RAB37: variants seen among roughly 807,000 people sequenced by gnomAD.
RAB37 encodes ras-related protein Rab-37.
In RAB37, 29 loss-of-function variants were observed where a neutral mutation model predicts 33.1. The observed-to-expected ratio is 0.88, with a 90% CI of 0.65 to 1.20. The LOEUF (loss-of-function observed/expected upper bound fraction) is 1.20, where lower values mean the gene tolerates loss of function less well. Ranked by LOEUF, RAB37 falls within the 50% of genes most tolerant of loss-of-function variation. The pLI is 0.00. For missense variants in RAB37, 299 were observed against 301.1 expected, an observed-to-expected ratio of 0.99 and a Z score of 0.05; for synonymous variants, 128 against 119.5, an observed-to-expected ratio of 1.07 and a Z score of -0.47.
chr17:74,695,729 G>A, intron 1 of RAB37: 1 of 1,614,128 alleles, frequency 6.2e-7, no homozygotes, highest in South Asian at 1.1e-5. Flanking sequence ...ACGCACCATG[G>A]TGACATATTC....
At chr17:74,736,089 G>C (rs2034470588), upstream of RAB37, among the ~76,000 whole-genome samples, 3 of 152,114 alleles carry the variant, frequency 2.0e-5, no homozygotes, top group Non-Finnish European at 1.5e-5. Context: ...TCGCGCACCT[G>C]TAATCCCAGC....
At chr17:74,702,975 G>C in intron 1 of RAB37, 1 of 1,359,514 alleles carries the variant, frequency 7.4e-7, no homozygotes, top group Admixed American at 1.7e-5. Context: ...GGACTTCAAA[G>C]AGTTCTCCAT....
intron 1 of RAB37, among the ~76,000 whole-genome samples, chr17:74,724,810 T>C (rs2034286349): frequency 6.6e-6 from 1 of 152,226 alleles, no homozygotes; most frequent in South Asian, 2.1e-4. Flanking sequence ...AATGGTGGAA[T>C]GTGATCAGTT....
intron 1 of RAB37, chr17:74,704,699 C>T (rs1368866094): frequency 6.2e-7 from 1 of 1,614,206 alleles, no homozygotes; most frequent in Admixed American, 1.7e-5. Flanking sequence ...AGCTCCTCGA[C>T]ACCACCACTT....
Position 74,671,416 on chromosome 17 carries a change from T to C in RAB37, c.-171T>C, listed in dbSNP as rs1352046684. ...GGAAGAACGTGGCCGCCTGCCCGCC[T>C]GGTACCGCGCCGCGGCCGCTGCGGG... On this transcript the variant is annotated 5_prime_UTR_variant, in exon 1 of 8. Transcript: ENST00000340415. This position sits in a 1 kb window ranked among gnomAD's most constrained non-coding sequence, Gnocchi z 5.0. 8 of 612,342 alleles carry C rather than the reference T, an allele frequency of 1.3e-5. No individual in the cohort carries two copies. Among genetic ancestry groups the C allele is most frequent in the Admixed American group, 5.9e-5 (2 of 33,846 alleles). The allele number at this position is 612,342 out of a possible 1,614,324, so 37.9% of individuals were successfully genotyped here.
chr17:74,733,687 C>G (rs1322132186), upstream of RAB37, among the ~76,000 whole-genome samples: 1 of 150,098 alleles, frequency 6.7e-6, no homozygotes, highest in African/African-American at 2.5e-5. Context: ...TCAGAGTGAA[C>G]GTTAGGAGGC....
At chr17:74,678,943 T>G (rs775686518) in intron 1 of RAB37, among the ~76,000 whole-genome samples, 10 of 152,032 alleles carry the variant, frequency 6.6e-5, no homozygotes, top group Non-Finnish European at 1.2e-4. Context: ...AAACTCTGTC[T>G]CTAGTAAAAA....
At chr17:74,723,632 G>A (rs1425390160) in intron 1 of RAB37, among the ~76,000 whole-genome samples, 1 of 147,324 alleles carries the variant, frequency 6.8e-6, no homozygotes, top group African/African-American at 2.5e-5. Context: ...AGGCTGGAGT[G>A]CAGTGGCGTG....
At chr17:74,686,141 G>A (rs1440652553) in intron 1 of RAB37, among the ~76,000 whole-genome samples, 3 of 152,058 alleles carry the variant, frequency 2.0e-5, no homozygotes, top group Non-Finnish European at 4.4e-5. Context: ...CACCCAGGCT[G>A]GAGTGCAGTA....
At chr17:74,721,946 A>G (rs771312427) in intron 1 of RAB37, among the ~76,000 whole-genome samples, 6 of 152,110 alleles carry the variant, frequency 3.9e-5, no homozygotes, top group Non-Finnish European at 8.8e-5. Flanking sequence ...TTGTCATTGT[A>G]TCGGTTAGGG....
upstream of RAB37, among the ~76,000 whole-genome samples, chr17:74,733,237 T>C (rs1330778236): frequency 1.3e-5 from 2 of 152,024 alleles, no homozygotes; most frequent in Non-Finnish European, 2.9e-5. Context: ...TGTGGTATGA[T>C]GGTAGGTGTG....
Position 74,745,176 on chromosome 17 carries a change from A to G in RAB37, c.566+92A>G. On this transcript the variant is annotated intron_variant, in intron 8 of 8. Coordinates refer to ENST00000392613, the MANE Select transcript of RAB37 (RefSeq NM_001006638.3). The surrounding 1 kb of genome is among the most constrained non-coding windows in gnomAD (Gnocchi z 4.5). ...CCGGCCCCTGGCCCAGCCCCTGGAC[A>G]CACCTGCATTCTGCAGGCTGAGGTC... 2 of 1,541,352 alleles carry G rather than the reference A, an allele frequency of 1.3e-6. No individual in the cohort carries two copies. The highest frequency in any genetic ancestry group is 3.7e-4 in the Middle Eastern group (2 of 5,444).
At position 74,728,209 on chromosome 17, in the gene RAB37, T is replaced by A. The variant is rs577942130; in HGVS notation, c.73-1047T>A. 5.9e-4 allele frequency among the ~76,000 whole-genome samples: 90 copies of A among 152,140 alleles called. 1 individual carries two copies. The South Asian group carries it at 0.016, about 28-fold the overall frequency. On this transcript the variant is annotated intron_variant, in intron 1 of 7. Transcript: ENST00000340415. ...ATGTCTGTGCGAATGTGTGTTTCTG[T>A]GTGTTTGCATGTGTGCTTGTGTCTG...
chr17:74,742,155 A>G lies in RAB37; in HGVS notation c.205-99A>G, dbSNP rs543775703. The G allele has an allele frequency of 1.0e-5, 15 of 1,454,746 alleles. No individual in the cohort carries two copies. The Admixed American group carries it at 1.9e-4, about 18-fold the overall frequency. The allele number at this position is 1,454,746 out of a possible 1,614,324, so 90.1% of individuals were successfully genotyped here. A position where few individuals can be genotyped will look rare whatever the true frequency, so the allele number is the denominator to read the frequency against. On this transcript the variant is annotated intron_variant, in intron 2 of 8. Coordinates refer to ENST00000392613, the MANE Select transcript of RAB37 (RefSeq NM_001006638.3). This position sits in a 1 kb window ranked among gnomAD's most constrained non-coding sequence, Gnocchi z 4.0. ...TGGAGACGGTTCTGGGGCTCACTGC[A>G]CCCACTCTAGGCCTGGAGAGGGAAC... is the stretch of plus-strand genomic sequence containing the variant.
At chr17:74,701,900 T>C (rs1401250529) in intron 1 of RAB37, among the ~76,000 whole-genome samples, 1 of 150,284 alleles carries the variant, frequency 6.7e-6, no homozygotes, top group Non-Finnish European at 1.5e-5. Context: ...GCGACTATAG[T>C]TCCCCCAGCT....
At chr17:74,720,263 C>A (rs1025851212) in intron 1 of RAB37, among the ~76,000 whole-genome samples, 2 of 152,128 alleles carry the variant, frequency 1.3e-5, no homozygotes, top group Non-Finnish European at 2.9e-5. Flanking sequence ...TCTGGCCCCA[C>A]GGCAGCATGA....
chr17:74,692,679 T>C (rs74362175), intron 1 of RAB37, among the ~76,000 whole-genome samples: 3,293 of 152,180 alleles, frequency 0.022, 64 homozygotes, highest in Non-Finnish European at 0.033. Context: ...GATGAAGTGA[T>C]AGACCTTTGT....
chr17:74,712,812 A>T (rs367985874), intron 1 of RAB37: 1 of 1,613,926 alleles, frequency 6.2e-7, no homozygotes, highest in African/African-American at 1.3e-5. Flanking sequence ...AGACAGACCC[A>T]GGCCCGCTCA....
chr17:74,726,789 A>G (rs2034312617), intron 1 of RAB37, among the ~76,000 whole-genome samples: 1 of 152,226 alleles, frequency 6.6e-6, no homozygotes, highest in Non-Finnish European at 1.5e-5. Context: ...AGGCCCAGCC[A>G]ATCTCTATGC....
Sources: allele counts gnomAD v4.1 joint callset (sites outside exome capture counted in the v4.1 genomes callset), GRCh38; gene constraint gnomAD v4.1.1; non-coding constraint Gnocchi (gnomAD v3.1); transcripts MANE v1.5; gene names NCBI Gene and HGNC (gene_info 2026-07-23, HGNC 2026-07-21).